The following MCPH1 variants were observed in gnomAD, a reference collection of about 807,000 sequenced individuals.
The protein encoded by MCPH1 is microcephalin.
In MCPH1, 104 loss-of-function variants were observed where a neutral mutation model predicts 84.5. That is an observed-to-expected ratio of 1.23 (90% CI 1.05 to 1.45). The LOEUF is 1.45. Among genes scored for constraint, MCPH1 ranks in the 40% most tolerant of loss-of-function variants. The pLI, the probability that MCPH1 is intolerant of heterozygous loss-of-function variation, is 0.00. For missense variants in MCPH1, 1,498 were observed against 1,005.7 expected (o/e 1.49, Z -6.62); for synonymous variants, 514 against 366.8 (o/e 1.40, Z -4.58).
chr8:6,608,394 C>A (rs998532255), intron 12 of MCPH1, among the ~76,000 whole-genome samples: 1 of 152,192 alleles, frequency 6.6e-6, no homozygotes, highest in African/African-American at 2.4e-5. Flanking sequence ...TCATCTTTCA[C>A]TGGGTGTCTT....
At chr8:6,484,547 G>A (rs933394106) in intron 11 of MCPH1, among the ~76,000 whole-genome samples, 7 of 152,206 alleles carry the variant, frequency 4.6e-5, no homozygotes, top group Non-Finnish European at 4.4e-5. Flanking sequence ...ATGAAAGCTT[G>A]TGTTCACACA....
At chr8:6,517,105 C>G (rs979464547) in intron 12 of MCPH1, among the ~76,000 whole-genome samples, 10 of 152,022 alleles carry the variant, frequency 6.6e-5, no homozygotes, top group African/African-American at 1.9e-4. Flanking sequence ...AGTTATCTAC[C>G]CAGCCAGAAG....
chr8:6,557,413 C>G (rs764526755), intron 12 of MCPH1, among the ~76,000 whole-genome samples: 4 of 152,120 alleles, frequency 2.6e-5, no homozygotes, highest in Non-Finnish European at 5.9e-5. Context: ...CACCCTGTTG[C>G]GATTGCTGCC....
chr8:6,607,759 T>TGTAA (rs1829908806), intron 12 of MCPH1, among the ~76,000 whole-genome samples: 2 of 152,224 alleles, frequency 1.3e-5, no homozygotes, highest in African/African-American at 4.8e-5. Flanking sequence ...TCTTGTCTGC[T>TGTAA]GCCATGTAAG....
intron 12 of MCPH1, among the ~76,000 whole-genome samples, chr8:6,571,030 T>C (rs1826616970): frequency 6.6e-6 from 1 of 152,156 alleles, no homozygotes; most frequent in African/African-American, 2.4e-5. Flanking sequence ...TCCTTGAGTT[T>C]TTAGAAATAG....
At chr8:6,514,325 G>A (rs1457431258) in intron 12 of MCPH1, among the ~76,000 whole-genome samples, 1 of 152,120 alleles carries the variant, frequency 6.6e-6, no homozygotes, top group Non-Finnish European at 1.5e-5. Flanking sequence ...GAGTAGCTGG[G>A]ATTACAGGTG....
intron 12 of MCPH1, chr8:6,508,968 T>G: frequency 1.9e-6 from 3 of 1,614,174 alleles, no homozygotes; most frequent in Non-Finnish European, 2.5e-6. Context: ...CAAATACATT[T>G]GTCGTTGTCT....
At chr8:6,491,262 A>C (rs1262164747) in intron 11 of MCPH1, among the ~76,000 whole-genome samples, 1 of 151,510 alleles carries the variant, frequency 6.6e-6, no homozygotes, top group Non-Finnish European at 1.5e-5. Flanking sequence ...GAGAAGTCAG[A>C]GTGCTTTGCA....
At chr8:6,437,443 A>G (rs1277548411) in intron 5 of MCPH1, among the ~76,000 whole-genome samples, 1 of 152,036 alleles carries the variant, frequency 6.6e-6, no homozygotes, top group African/African-American at 2.4e-5. Context: ...GTTGGCCAGG[A>G]TGATCTCAAA....
intron 12 of MCPH1, among the ~76,000 whole-genome samples, chr8:6,606,159 A>T (rs1023416955): frequency 6.6e-6 from 1 of 152,258 alleles, no homozygotes; most frequent in African/African-American, 2.4e-5. Context: ...GTGTTGCAAG[A>T]TTCTGGAGAG....
intron 11 of MCPH1, among the ~76,000 whole-genome samples, chr8:6,485,871 C>T (rs1271949201): frequency 5.3e-5 from 8 of 152,090 alleles, no homozygotes; most frequent in African/African-American, 1.7e-4. Context: ...ATGGTAACCA[C>T]GATGACTCTC....
chr8:6,454,990 C>A (rs1805517834), intron 8 of MCPH1, 153 bp from the exon 9 acceptor site: 1 of 158,152 alleles, frequency 6.3e-6, no homozygotes, highest in Admixed American at 6.5e-5. Context: ...ACTGAAAGTT[C>A]TAGATAGATC....
At chr8:6,609,157 T>C (rs979277317) in intron 12 of MCPH1, among the ~76,000 whole-genome samples, 3 of 151,988 alleles carry the variant, frequency 2.0e-5, no homozygotes, top group Non-Finnish European at 4.4e-5. Context: ...TTTCTATAAG[T>C]TGTGTAGTTC....
chr8:6,491,676 C>A (rs1445328692), intron 11 of MCPH1, among the ~76,000 whole-genome samples: 1 of 151,602 alleles, frequency 6.6e-6, no homozygotes, highest in Non-Finnish European at 1.5e-5. Context: ...CTTCCTGTGT[C>A]CATGTCTTCT....
chr8:6,435,543 G>C (rs1459192077), intron 4 of MCPH1, among the ~76,000 whole-genome samples: 2 of 152,144 alleles, frequency 1.3e-5, no homozygotes, highest in Non-Finnish European at 2.9e-5. Context: ...TTGGATCATG[G>C]ATTATGCCAT....
intron 9 of MCPH1, among the ~76,000 whole-genome samples, chr8:6,465,367 A>G (rs532082702): frequency 6.6e-6 from 1 of 152,312 alleles, no homozygotes; most frequent in East Asian, 1.9e-4. Flanking sequence ...GTTCACGCCA[A>G]GTGACCCTGC....
At chr8:6,610,974 A>C (rs1211657141) in intron 12 of MCPH1, among the ~76,000 whole-genome samples, 1 of 151,946 alleles carries the variant, frequency 6.6e-6, no homozygotes, top group African/African-American at 2.4e-5. Context: ...TTTGCTTGTC[A>C]CCTCTACTCA....
chr8:6,478,473 A>G (rs925294352), intron 10 of MCPH1, among the ~76,000 whole-genome samples: 3 of 152,242 alleles, frequency 2.0e-5, no homozygotes, highest in Non-Finnish European at 4.4e-5. Flanking sequence ...AATAAAAGAA[A>G]AATTACTAGT....
chr8:6,554,353 T>C (rs1486995934), intron 12 of MCPH1, among the ~76,000 whole-genome samples: 4 of 151,896 alleles, frequency 2.6e-5, no homozygotes, highest in Non-Finnish European at 4.4e-5. Context: ...CTTTTAAGAC[T>C]TTGTTCACGT....
Sources: gnomAD v4.1 joint callset for allele counts (sites outside exome capture counted in the v4.1 genomes callset) on GRCh38, gnomAD v4.1.1 for gene constraint, MANE v1.5 for transcripts, NCBI Gene and HGNC (gene_info 2026-07-23, HGNC 2026-07-21) for gene names.